Variants in APOBEC3F observed in about 807,000 individuals in gnomAD.
APOBEC3F encodes apolipoprotein B mRNA editing enzyme catalytic subunit 3F.
Under a neutral mutation model 45.8 loss-of-function variants are expected in APOBEC3F, and 34 were observed. That is an observed-to-expected ratio of 0.74 (90% CI 0.57 to 0.99). The LOEUF is 0.99. Among genes scored for constraint, APOBEC3F ranks in the 50% least tolerant of loss-of-function variants. APOBEC3F has a pLI of 0.00. For missense variants in APOBEC3F, 459 were observed against 474.1 expected, an observed-to-expected ratio of 0.97 and a Z score of 0.30; for synonymous variants, 192 against 174.4, an observed-to-expected ratio of 1.10 and a Z score of -0.80.
rs148231238 is a variant in APOBEC3F, at chr22:39,053,107, C to T, written c.*412C>T. On this transcript the variant is annotated 3_prime_UTR_variant, in exon 7 of 7. Coordinates refer to ENST00000308521, the MANE Select transcript of APOBEC3F (RefSeq NM_145298.6). The stretch of plus-strand genomic sequence containing the variant: ...GTTCAAGCGATTCTCCTGCCTCCGC[C>T]TCCCGAGTAGCTGGAATTACAGACG... 2,359 of 156,056 alleles carry T rather than the reference C, an allele frequency of 0.015. 50 individuals carry two copies. Among genetic ancestry groups the T allele is most frequent in the African/African-American group, 0.054 (2,255 of 41,580 alleles). 9.7% of individuals were successfully genotyped at this position (156,056 alleles called of 1,614,324 possible).
In APOBEC3F at chr22:39,054,893, C is replaced by G. The variant is rs1927642199; in HGVS notation, c.*2198C>G. ...AGGTGCCCACATGAATAATGCGGGC[C>G]ACAGGCAGGCATTTATTTTCTCACA... On this transcript the variant is annotated 3_prime_UTR_variant, in exon 7 of 7. Transcript: ENST00000308521. Among the ~76,000 whole-genome samples the G allele has an allele frequency of 6.6e-6, 1 of 152,054 alleles. No homozygotes were observed. The highest frequency in any genetic ancestry group is 1.5e-5 in the Non-Finnish European group (1 of 68,008).
At position 39,043,076 on chromosome 22, in the gene APOBEC3F, A is replaced by G; in HGVS notation, c.157A>G (p.Ile53Val). 6.2e-7 allele frequency: 1 copy of G among 1,614,152 alleles called. No individual in the cohort carries two copies. Among genetic ancestry groups the G allele is most frequent in the Non-Finnish European group, 8.5e-7 (1 of 1,180,014 alleles). The change falls in exon 2 of 7, where the codon ATC becomes GTC. Residue 53 changes from isoleucine to valine, a missense_variant. Physicochemically the swap from Ile to Val is conservative, Grantham distance 29. Coordinates refer to ENST00000308521, the MANE Select transcript of APOBEC3F (RefSeq NM_145298.6). ...GPSRPRLDAKIFRGQVYSQPE... is the reference protein window; with the variant it reads ...GPSRPRLDAKVFRGQVYSQPE... ...CTCAAGGCCCCGTTTGGACGCAAAGATCTTTCGAGGCCAGGTACCACCCGG... is the reference window on the plus strand; with the variant it reads ...CTCAAGGCCCCGTTTGGACGCAAAGGTCTTTCGAGGCCAGGTACCACCCGG...
intron 1 of APOBEC3F, among the ~76,000 whole-genome samples, chr22:39,042,644 G>A (rs1158458242): frequency 6.6e-6 from 1 of 152,098 alleles, no homozygotes; most frequent in Non-Finnish European, 1.5e-5. Context: ...TTTTACTAAT[G>A]CGTTGGAGAA....
intron 5 of APOBEC3F, among the ~76,000 whole-genome samples, chr22:39,049,918 G>A (rs1032960666): frequency 1.3e-5 from 2 of 151,372 alleles, no homozygotes; most frequent in African/African-American, 4.9e-5. Context: ...GACCAGGCTG[G>A]TTTCGAATTC....
chr22:39,054,981 C>T lies in APOBEC3F; in HGVS notation c.*2286C>T, dbSNP rs1360567952. Reference sequence around the variant, plus strand: ...GGGGTTGTTTGCTCTGAGGCCGCTCCTCCTGGATGGCAGGGATCCCTTCTG... The same window carrying T: ...GGGGTTGTTTGCTCTGAGGCCGCTCTTCCTGGATGGCAGGGATCCCTTCTG... On this transcript the variant is annotated 3_prime_UTR_variant, in exon 7 of 7. Coordinates refer to ENST00000308521, the MANE Select transcript of APOBEC3F (RefSeq NM_145298.6). Among the ~76,000 whole-genome samples the T allele has an allele frequency of 1.3e-5, 2 of 152,050 alleles. No homozygotes were observed.
Position 39,043,075 on chromosome 22 carries a change from G to T in APOBEC3F, c.156G>T (p.Lys52Asn). The T allele has an allele frequency of 1.2e-6, 2 of 1,614,146 alleles. No individual in the cohort carries two copies. Among genetic ancestry groups the T allele is most frequent in the Non-Finnish European group, 1.7e-6 (2 of 1,180,016 alleles). ...KGPSRPRLDA[K>N]IFRGQVYSQP... The stretch of plus-strand genomic sequence containing the variant: ...CCTCAAGGCCCCGTTTGGACGCAAA[G>T]ATCTTTCGAGGCCAGGTACCACCCG... The change falls in exon 2 of 7, where the codon AAG (lysine) becomes AAT (asparagine). Residue 52 changes from lysine to asparagine, a missense_variant. By Grantham distance (94) the Lys-to-Asn change is moderately conservative. Transcript: ENST00000308521.
intron 4 of APOBEC3F, among the ~76,000 whole-genome samples, chr22:39,047,026 G>A (rs1045236256): frequency 6.6e-6 from 1 of 152,086 alleles, no homozygotes; most frequent in Non-Finnish European, 1.5e-5. Context: ...AGGGTGGCCG[G>A]GGACACCAGC....
rs141985328 is a variant in APOBEC3F at position 39,041,931 on chromosome 22, G to A, written c.17+954G>A. Among the ~76,000 whole-genome samples, 78 of 152,284 alleles carry A rather than the reference G, an allele frequency of 5.1e-4. 1 individual carries two copies. Among genetic ancestry groups the A allele is most frequent in the African/African-American group, 1.8e-3 (74 of 41,572 alleles). On this transcript the variant is annotated intron_variant, in intron 1 of 6. Transcript: ENST00000308521. The stretch of plus-strand genomic sequence containing the variant: ...AAAAAACTCAATGATCAGGAGAAAT[G>A]CTATTATTTTAAAATTTAGTAAGAA...
chr22:39,046,058 G>C (rs1406184150), intron 4 of APOBEC3F, among the ~76,000 whole-genome samples: 1 of 152,320 alleles, frequency 6.6e-6, no homozygotes, highest in South Asian at 2.1e-4. Flanking sequence ...GCAAGTCCAA[G>C]GTGGAGGGGT....
At chr22:39,045,287 A>G (rs1927156073) in intron 3 of APOBEC3F, 67 bp downstream of exon 3, 3 of 1,593,754 alleles carry the variant, frequency 1.9e-6, no homozygotes, top group Admixed American at 1.7e-5. Flanking sequence ...TGGATCTGCA[A>G]TGCCATGGCT....
Position 39,045,198 on chromosome 22 carries a change from C to A in APOBEC3F, c.429C>A (p.Arg143=), listed in dbSNP as rs4821862. 1 of 1,613,328 alleles carries A rather than the reference C, an allele frequency of 6.2e-7. No homozygotes were observed. Among genetic ancestry groups the A allele is most frequent in the Non-Finnish European group, 8.5e-7 (1 of 1,179,874 alleles). Residue 143 remains arginine, a synonymous_variant, in exon 3 of 7, where the codon CGC becomes CGA. Coordinates refer to ENST00000308521, the MANE Select transcript of APOBEC3F (RefSeq NM_145298.6). ...GCAGGCTGAGTCAGGCAGGGGCCCG[C>A]GTGAAGATTATGGACGATGAAGGTG... ...ALCRLSQAGA[R]VKIMDDEEFA...
In APOBEC3F at chr22:39,054,613, C is replaced by T. The variant is rs899680758; in HGVS notation, c.*1918C>T. The stretch of plus-strand genomic sequence containing the variant: ...CTGGGATTGCTGGTGTGAGCCACAG[C>T]GCCTAGCCCATTTCTCCTTTTAATA... On this transcript the variant is annotated 3_prime_UTR_variant, in exon 7 of 7. Coordinates refer to ENST00000308521, the MANE Select transcript of APOBEC3F (RefSeq NM_145298.6). Among the ~76,000 whole-genome samples the T allele has an allele frequency of 1.1e-4, 17 of 152,196 alleles. No individual in the cohort carries two copies. The highest frequency in any genetic ancestry group is 3.2e-3 in the Middle Eastern group (1 of 316).
In APOBEC3F at chr22:39,052,726, C is replaced by T. The variant is rs368978807; in HGVS notation, c.*31C>T. ...CTCCCCGGGCCTCATGGTCTGTCTC[C>T]TCTAGCCTCCTGCTCATGTTGTGCA... On this transcript the variant is annotated 3_prime_UTR_variant, in exon 7 of 7. Coordinates refer to ENST00000308521, the MANE Select transcript of APOBEC3F (RefSeq NM_145298.6). 7.5e-6 allele frequency: 12 copies of T among 1,595,530 alleles called. No homozygotes were observed. The highest frequency in any genetic ancestry group is 1.1e-5 in the South Asian group (1 of 88,188).
rs560517594 is a variant in APOBEC3F at position 39,045,090 on chromosome 22, G to C, written c.321G>C (p.Leu107=). Residue 107 remains leucine (L), a synonymous_variant, in exon 3 of 7, where the codon CTG becomes CTC. Transcript: ENST00000308521. ...PDCVAKLAEF[L]AEHPNVTLTI... ...GTGTGGCGAAGCTGGCCGAATTCCT[G>C]GCTGAGCACCCCAATGTCACCCTGA... 5 of 1,613,882 alleles carry C rather than the reference G, an allele frequency of 3.1e-6. No homozygotes were observed. In the South Asian group the frequency reaches 5.5e-5, roughly 18 times the overall value.
At chr22:39,048,754 C>T (rs1927338934) in intron 4 of APOBEC3F, among the ~76,000 whole-genome samples, 1 of 152,126 alleles carries the variant, frequency 6.6e-6, no homozygotes, top group Non-Finnish European at 1.5e-5. Flanking sequence ...TTGCAGTGAG[C>T]CGAGATTGTG....
chr22:39,042,881 C>G (rs1926986267), intron 1 of APOBEC3F, 56 bp from the exon 2 acceptor site: 2 of 1,604,836 alleles, frequency 1.2e-6, no homozygotes, highest in Non-Finnish European at 1.7e-6. Flanking sequence ...GACATCAGCC[C>G]TGAGGGCTCC....
intron 2 of APOBEC3F, chr22:39,044,077 T>C: frequency 1.3e-6 from 2 of 1,541,882 alleles, no homozygotes; most frequent in Non-Finnish European, 1.7e-6. Context: ...ATGGTGTATT[T>C]TTCAGGTGCC....
Position 39,052,587 on chromosome 22 carries a change from T to G in APOBEC3F, c.1014T>G (p.Tyr338Ter). Residue 338 changes from tyrosine to a stop codon, truncating the protein, a stop_gained, in exon 7 of 7, where the codon TAT (tyrosine) becomes TAG (stop). Transcript: ENST00000308521. LOFTEE classifies it low-confidence loss of function (END_TRUNC). ...CTTGTTTTTTCTCAGATTTTAAATA[T>G]TGTTGGGAAAACTTTGTGTACAATG... The part of the protein sequence containing the change: ...VEIMGYKDFK[Y>*]CWENFVYNDD... The G allele has an allele frequency of 6.2e-7, 1 of 1,613,140 alleles. No homozygotes were observed. Among genetic ancestry groups the G allele is most frequent in the Non-Finnish European group, 8.5e-7 (1 of 1,179,482 alleles).
intron 3 of APOBEC3F, 90 bp downstream of exon 3, chr22:39,045,310 G>C (rs1927157027): frequency 6.3e-7 from 1 of 1,597,610 alleles, no homozygotes; most frequent in East Asian, 2.2e-5. Flanking sequence ...GGGTGTCCCA[G>C]GGCAGCCTGC....
Sources: gnomAD v4.1 joint callset for allele counts (sites outside exome capture counted in the v4.1 genomes callset) on GRCh38, gnomAD v4.1.1 for gene constraint, MANE v1.5 for transcripts, NCBI Gene and HGNC (gene_info 2026-07-23, HGNC 2026-07-21) for gene names.